The following CNTN6 variants were observed in gnomAD, a reference collection of about 807,000 sequenced individuals.
CNTN6 encodes the protein contactin-6.
Under a neutral mutation model 122.8 loss-of-function variants are expected in CNTN6, and 137 were observed. The ratio of observed to expected loss-of-function variants is 1.12; its 90% confidence interval spans 0.97 to 1.29. The LOEUF is 1.29. Among genes scored for constraint, CNTN6 ranks in the 50% most tolerant of loss-of-function variants. CNTN6 has a pLI of 0.00. For missense variants in CNTN6, 1,634 were observed against 1,223.4 expected (o/e 1.34, Z -5.01); for synonymous variants, 570 against 426.0 (o/e 1.34, Z -4.16).
intron 2 of CNTN6, among the ~76,000 whole-genome samples, chr3:1,199,993 A>G (rs575630041): frequency 2.6e-5 from 4 of 152,220 alleles, no homozygotes; most frequent in South Asian, 2.1e-4. Flanking sequence ...AAAGGCCTAC[A>G]TTTTCATAGA....
intron 4 of CNTN6, among the ~76,000 whole-genome samples, chr3:1,258,815 C>T (rs2094800254): frequency 6.6e-6 from 1 of 152,042 alleles, no homozygotes; most frequent in Non-Finnish European, 1.5e-5. Flanking sequence ...TTCTCAGATG[C>T]ACTTTGTAGC....
At chr3:1,234,153 C>T (rs1164775196) in intron 4 of CNTN6, among the ~76,000 whole-genome samples, 1 of 152,100 alleles carries the variant, frequency 6.6e-6, no homozygotes, top group African/African-American at 2.4e-5. Context: ...GTCAACTAAC[C>T]TACAGCAGAC....
At chr3:1,339,830 C>G (rs1703626074) in intron 11 of CNTN6, among the ~76,000 whole-genome samples, 1 of 152,112 alleles carries the variant, frequency 6.6e-6, no homozygotes, top group Admixed American at 6.6e-5. Context: ...TTTGACTACT[C>G]AAGGAATGCT....
At chr3:1,382,847 C>G in intron 17 of CNTN6, 95 bp from the exon 18 acceptor site, 1 of 819,646 alleles carries the variant, frequency 1.2e-6, no homozygotes, top group East Asian at 2.7e-5. Flanking sequence ...CCATATTTGT[C>G]TCTATGGAAG....
At chr3:1,097,471 A>G (rs2090592946) in intron 1 of CNTN6, among the ~76,000 whole-genome samples, 1 of 152,252 alleles carries the variant, frequency 6.6e-6, no homozygotes, top group Admixed American at 6.5e-5. Context: ...AAGTATTATA[A>G]AAAACGAATG....
rs1559920969 is a variant in CNTN6 at position 1,361,210 on chromosome 3, C to CT, written c.1492+8759_1492+8760insT. 9.2e-5 allele frequency among the ~76,000 whole-genome samples: 14 copies of CT among 152,232 alleles called. No homozygotes were observed. In the East Asian group the frequency reaches 2.3e-3, roughly 25 times the overall value. ...CACACGCTAAACCCACACCTTGACACACACAAGAAAAAATTATTTGGACCA... is the reference window on the plus strand; with the variant it reads ...CACACGCTAAACCCACACCTTGACACTACACAAGAAAAAATTATTTGGACCA... On this transcript the variant is annotated intron_variant, in intron 12 of 22. Transcript: ENST00000446702.
rs1358712058 is a variant in CNTN6, at chr3:1,384,738, TACATATATAC to T, written c.2518-863_2518-854del. 4.4e-5 allele frequency among the ~76,000 whole-genome samples: 5 copies of T among 114,232 alleles called. No individual in the cohort carries two copies. In the South Asian group the frequency reaches 7.8e-4, roughly 18 times the overall value. The allele number at this position is 114,232 out of a possible 152,430, so 74.9% of individuals were successfully genotyped here. A position where few individuals can be genotyped will look rare whatever the true frequency, so the allele number is the denominator to read the frequency against. On this transcript the variant is annotated intron_variant, in intron 19 of 22. Transcript: ENST00000446702. The stretch of plus-strand genomic sequence containing the variant: ...CATACTATATATACACACATATATA[TACATATATAC>T]ACATATATATACATATATATACACA...
intron 1 of CNTN6, among the ~76,000 whole-genome samples, chr3:1,146,142 C>A: frequency 6.6e-6 from 1 of 152,004 alleles, no homozygotes; most frequent in East Asian, 1.9e-4. Context: ...CCACGGTAGC[C>A]AGAGATATAA....
intron 11 of CNTN6, among the ~76,000 whole-genome samples, chr3:1,342,894 T>C (rs1704111045): frequency 6.6e-6 from 1 of 152,080 alleles, no homozygotes; most frequent in Admixed American, 6.6e-5. Flanking sequence ...ACTGTGCAGG[T>C]CTATTTATAC....
At chr3:1,124,444 AC>A (rs1304312188) in intron 1 of CNTN6, among the ~76,000 whole-genome samples, 1 of 151,852 alleles carries the variant, frequency 6.6e-6, no homozygotes, top group African/African-American at 2.4e-5. Context: ...TAGTCAAGTT[AC>A]CTTTGGCCTA....
intron 2 of CNTN6, among the ~76,000 whole-genome samples, chr3:1,172,682 T>C (rs976265436): frequency 1.3e-5 from 2 of 151,872 alleles, no homozygotes; most frequent in Non-Finnish European, 2.9e-5. Context: ...CCCATAGTTT[T>C]GGAATGTCAG....
intron 2 of CNTN6, among the ~76,000 whole-genome samples, chr3:1,165,573 T>TAC (rs992202807): frequency 3.3e-5 from 5 of 151,778 alleles, no homozygotes; most frequent in African/African-American, 9.7e-5. Flanking sequence ...TCACCCCCAC[T>TAC]ACACACACAC....
intron 1 of CNTN6, among the ~76,000 whole-genome samples, chr3:1,129,253 A>T (rs6792367): frequency 0.43 from 65,958 of 151,854 alleles, 14,498 homozygotes; most frequent in East Asian, 0.46. Context: ...CTGCCAAGAT[A>T]ATGTGCATAT....
intron 7 of CNTN6, among the ~76,000 whole-genome samples, chr3:1,304,850 C>T (rs768476996): frequency 9.2e-5 from 14 of 151,624 alleles, no homozygotes; most frequent in African/African-American, 1.9e-4. Flanking sequence ...AAAAATTAGC[C>T]GGGTGCAGTG....
intron 4 of CNTN6, among the ~76,000 whole-genome samples, chr3:1,228,462 T>C (rs962544762): frequency 9.2e-5 from 14 of 152,282 alleles, no homozygotes; most frequent in Admixed American, 8.5e-4. Flanking sequence ...AAGGCAGGCT[T>C]TATATTAACT....
At chr3:1,286,509 C>T (rs896254100) in intron 5 of CNTN6, among the ~76,000 whole-genome samples, 2 of 152,088 alleles carry the variant, frequency 1.3e-5, no homozygotes, top group African/African-American at 4.8e-5. Flanking sequence ...CATCCATGTC[C>T]CTGCAAAGGA....
At chr3:1,174,611 G>T (rs1415835314) in intron 2 of CNTN6, among the ~76,000 whole-genome samples, 1 of 152,122 alleles carries the variant, frequency 6.6e-6, no homozygotes, top group Non-Finnish European at 1.5e-5. Flanking sequence ...TACAAAGTAT[G>T]ATTAGTAACT....
chr3:1,176,406 GC>G (rs1334286408), intron 2 of CNTN6, among the ~76,000 whole-genome samples: 1 of 152,180 alleles, frequency 6.6e-6, no homozygotes, highest in African/African-American at 2.4e-5. Context: ...GTGAAACTCT[GC>G]CTCAGAAAAA....
At chr3:1,114,373 C>T (rs1298420783) in intron 1 of CNTN6, among the ~76,000 whole-genome samples, 1 of 152,096 alleles carries the variant, frequency 6.6e-6, no homozygotes, top group African/African-American at 2.4e-5. Flanking sequence ...GTTGAGAACC[C>T]AGTTTCTGTG....
Sources: allele counts gnomAD v4.1 joint callset (sites outside exome capture counted in the v4.1 genomes callset), GRCh38; gene constraint gnomAD v4.1.1; transcripts MANE v1.5; gene names NCBI Gene and HGNC (gene_info 2026-07-23, HGNC 2026-07-21).